Variants in VPS41 observed in about 807,000 individuals in gnomAD.
The protein encoded by VPS41 is vacuolar protein sorting-associated protein 41 homolog.
A neutral mutation model predicts 130.9 loss-of-function variants in VPS41; 85 were observed. That is an observed-to-expected ratio of 0.65 (90% CI 0.55 to 0.78). The LOEUF (loss-of-function observed/expected upper bound fraction) is 0.78. VPS41 is among the 30% of genes least tolerant of loss of function. VPS41 has a pLI of 0.00. For synonymous variants in VPS41, 335 were observed against 332.9 expected (o/e 1.01, Z -0.07); for missense variants, 874 against 1,018.7 (o/e 0.86, Z 1.93).
At chr7:38,839,783 C>T (rs1785571685) in intron 4 of VPS41, among the ~76,000 whole-genome samples, 1 of 152,174 alleles carries the variant, frequency 6.6e-6, no homozygotes, top group African/African-American at 2.4e-5. Flanking sequence ...ATAAACTCTC[C>T]AATCTTTTCA....
At chr7:38,744,919 T>G (rs1446262421) in intron 23 of VPS41, among the ~76,000 whole-genome samples, 1 of 152,194 alleles carries the variant, frequency 6.6e-6, no homozygotes, top group African/African-American at 2.4e-5. Flanking sequence ...AGCAGGGAAG[T>G]GACAATGGAG....
chr7:38,875,224 T>G (rs1189842672), intron 2 of VPS41, among the ~76,000 whole-genome samples: 1 of 152,174 alleles, frequency 6.6e-6, no homozygotes, highest in Admixed American at 6.6e-5. Context: ...AGCTACATAT[T>G]ATTGGATATT....
At chr7:38,778,405 C>T (rs956648984) in intron 10 of VPS41, among the ~76,000 whole-genome samples, 16 of 152,158 alleles carry the variant, frequency 1.1e-4, no homozygotes, top group South Asian at 2.1e-4. Context: ...TGTGCATGCA[C>T]GTGGGCGGTG....
rs1163892920 is a variant in VPS41 at position 38,723,113 on chromosome 7, T to G, written c.*3133A>C. 6.6e-6 allele frequency: 1 copy of G among 152,178 alleles called. No homozygotes were observed. Among genetic ancestry groups the G allele is most frequent in the East Asian group, 1.9e-4 (1 of 5,194 alleles). 9.4% of individuals were successfully genotyped at this position (152,178 alleles called of 1,614,324 possible). ...AGTGGATCATCATAAGTGTTTCATC[T>G]CTGTCGTCTTCATACTGAGTAGGCT... On this transcript the variant is annotated 3_prime_UTR_variant, in exon 29 of 29. Transcript: ENST00000310301.
In VPS41 at chr7:38,728,490, C is replaced by A. The variant is rs1795592236; in HGVS notation, c.2404+52G>T. 1.0e-5 allele frequency: 16 copies of A among 1,601,170 alleles called. No homozygotes were observed. In the South Asian group the frequency reaches 1.8e-4, roughly 18 times the overall value. Reference sequence around the variant, plus strand: ...TTGGCTAATTCCAAAATTTTGATTCCACTCATCATTAAAATACATGTTTGG... The same window carrying A: ...TTGGCTAATTCCAAAATTTTGATTCAACTCATCATTAAAATACATGTTTGG... On this transcript the variant is annotated intron_variant, in intron 27 of 28. Transcript: ENST00000310301.
chr7:38,748,420 T>G (rs997860741), intron 22 of VPS41, among the ~76,000 whole-genome samples: 1 of 152,150 alleles, frequency 6.6e-6, no homozygotes, highest in East Asian at 1.9e-4. Context: ...TAATTATTTC[T>G]ACCTATCCTT....
At chr7:38,906,068 T>C (rs1364888334) in intron 1 of VPS41, among the ~76,000 whole-genome samples, 1 of 151,970 alleles carries the variant, frequency 6.6e-6, no homozygotes, top group East Asian at 1.9e-4. Context: ...AGTGCTGGGA[T>C]TACAGGCATG....
intron 2 of VPS41, among the ~76,000 whole-genome samples, chr7:38,885,827 C>G (rs567537766): frequency 6.6e-6 from 1 of 152,012 alleles, no homozygotes; most frequent in African/African-American, 2.4e-5. Flanking sequence ...TAGGACATCT[C>G]AGAAAATAAA....
chr7:38,886,158 T>C (rs1786726815), intron 2 of VPS41, among the ~76,000 whole-genome samples: 1 of 151,856 alleles, frequency 6.6e-6, no homozygotes, highest in Non-Finnish European at 1.5e-5. Flanking sequence ...GGTTGGACAG[T>C]GGGTGCAGCC....
chr7:38,806,166 T>C (rs1398457476), intron 7 of VPS41, among the ~76,000 whole-genome samples: 1 of 152,256 alleles, frequency 6.6e-6, no homozygotes, highest in East Asian at 1.9e-4. Context: ...ACATAGCTGA[T>C]GTAAACTGGT....
At chr7:38,882,131 CA>C (rs1028810789) in intron 2 of VPS41, among the ~76,000 whole-genome samples, 1 of 152,132 alleles carries the variant, frequency 6.6e-6, no homozygotes, top group African/African-American at 2.4e-5. Context: ...CCCACCACCA[CA>C]AGTCACCACA....
chr7:38,839,980 T>C (rs551252867), intron 4 of VPS41, among the ~76,000 whole-genome samples: 1 of 152,290 alleles, frequency 6.6e-6, no homozygotes, highest in East Asian at 1.9e-4. Context: ...AGGACAGCCA[T>C]CCACTCAGTG....
chr7:38,836,144 G>A (rs920453066), intron 4 of VPS41, among the ~76,000 whole-genome samples: 7 of 151,792 alleles, frequency 4.6e-5, no homozygotes, highest in African/African-American at 1.7e-4. Flanking sequence ...TTATTTTATA[G>A]TTTTTATGTT....
At chr7:38,868,199 A>C (rs1011830310) in intron 3 of VPS41, among the ~76,000 whole-genome samples, 3 of 152,206 alleles carry the variant, frequency 2.0e-5, no homozygotes, top group African/African-American at 7.2e-5. Flanking sequence ...CAATGAGTGA[A>C]GAAAAGGGAC....
chr7:38,841,342 C>G (rs180818328), intron 4 of VPS41, among the ~76,000 whole-genome samples: 66 of 152,222 alleles, frequency 4.3e-4, no homozygotes, highest in Non-Finnish European at 1.3e-4. Context: ...AAAGATACTT[C>G]CAAGGAACCA....
At chr7:38,786,921 T>C (rs1230325788) in intron 10 of VPS41, among the ~76,000 whole-genome samples, 4 of 152,118 alleles carry the variant, frequency 2.6e-5, no homozygotes, top group Non-Finnish European at 5.9e-5. Context: ...GAAAGAATTA[T>C]CTCACAACTC....
intron 2 of VPS41, among the ~76,000 whole-genome samples, chr7:38,885,838 T>C (rs530065295): frequency 6.6e-6 from 1 of 152,084 alleles, no homozygotes; most frequent in South Asian, 2.1e-4. Flanking sequence ...AGAAAATAAA[T>C]AGAATTTTTT....
intron 2 of VPS41, among the ~76,000 whole-genome samples, chr7:38,880,120 G>A (rs150894300): frequency 0.011 from 1,635 of 152,266 alleles, 13 homozygotes; most frequent in Middle Eastern, 0.02. Flanking sequence ...ATAAATGTAC[G>A]TAAAGCACAA....
chr7:38,846,679 G>A (rs1017266414), intron 4 of VPS41, among the ~76,000 whole-genome samples: 2 of 152,158 alleles, frequency 1.3e-5, no homozygotes, highest in Non-Finnish European at 1.5e-5. Context: ...GTGTGAAAAA[G>A]GGATTAGGGG....
Sources: allele counts gnomAD v4.1 joint callset (sites outside exome capture counted in the v4.1 genomes callset), GRCh38; gene constraint gnomAD v4.1.1; transcripts MANE v1.5; gene names NCBI Gene and HGNC (gene_info 2026-07-23, HGNC 2026-07-21).